Variants in COL4A3 observed in about 807,000 individuals in gnomAD.
The protein encoded by COL4A3 is collagen type IV alpha 3 chain.
A neutral mutation model predicts 217.4 loss-of-function variants in COL4A3; 135 were observed. That is an observed-to-expected ratio of 0.62 (90% CI 0.54 to 0.72). The LOEUF (loss-of-function observed/expected upper bound fraction) is 0.72. COL4A3 is among the 30% of genes least tolerant of loss of function. The probability of loss-of-function intolerance (pLI) is 0.00; values close to 1 mark genes in which losing one functional copy is unlikely to be tolerated. For synonymous variants in COL4A3, 690 were observed against 736.3 expected (o/e 0.94, Z 1.02); for missense variants, 1,868 against 2,119.9 (o/e 0.88, Z 2.33).
intron 26 of COL4A3, among the ~76,000 whole-genome samples, chr2:227,276,178 T>C (rs914738812): frequency 6.6e-6 from 1 of 152,242 alleles, no homozygotes; most frequent in African/African-American, 2.4e-5. Context: ...TTTAGACGAT[T>C]GTCTACACTT....
chr2:227,257,534 C>T, intron 17 of COL4A3, 69 bp from the exon 18 acceptor site: 1 of 1,265,166 alleles, frequency 7.9e-7, no homozygotes, highest in South Asian at 1.2e-5. Context: ...TTTAACTGTA[C>T]ATCTTGCTTT....
chr2:227,225,709 C>CTT (rs71829862), intron 1 of COL4A3, among the ~76,000 whole-genome samples: 22 of 126,224 alleles, frequency 1.7e-4, no homozygotes, highest in African/African-American at 5.4e-4. Flanking sequence ...CTTTTTCTTT[C>CTT]TTTTTTTTTT....
At chr2:227,278,092 G>A (rs2071700718) in intron 28 of COL4A3, among the ~76,000 whole-genome samples, 1 of 150,954 alleles carries the variant, frequency 6.6e-6, no homozygotes, top group Non-Finnish European at 1.5e-5. Context: ...ATACTTCTCA[G>A]TAAATGCCTG....
At chr2:227,238,614 T>A (rs1339347169) in intron 2 of COL4A3, among the ~76,000 whole-genome samples, 1 of 152,182 alleles carries the variant, frequency 6.6e-6, no homozygotes, top group Non-Finnish European at 1.5e-5. Flanking sequence ...GAACTAAAGT[T>A]TTTTTCTTTG....
chr2:227,253,776 G>C lies in COL4A3; in HGVS notation c.765+138G>C. 2 of 808,834 alleles carry C rather than the reference G, an allele frequency of 2.5e-6. No homozygotes were observed. The highest frequency in any genetic ancestry group is 4.4e-6 in the Non-Finnish European group (2 of 458,110). The allele number at this position is 808,834 out of a possible 1,614,324, so 50.1% of individuals were successfully genotyped here. A position where few individuals can be genotyped will look rare whatever the true frequency, so the allele number is the denominator to read the frequency against. ...CTCCCTCAGCCAGCCAGAACCTCCA[G>C]GATTGATTCCTTCCCGTCCTTTACT... On this transcript the variant is annotated intron_variant, in intron 13 of 51. Transcript: ENST00000396578. This position sits in a 1 kb window ranked among gnomAD's most constrained non-coding sequence, Gnocchi z 4.4.
chr2:227,262,893 T>A (rs1490430396), intron 20 of COL4A3, among the ~76,000 whole-genome samples: 1 of 152,158 alleles, frequency 6.6e-6, no homozygotes, highest in Non-Finnish European at 1.5e-5. Flanking sequence ...TGACTATAGT[T>A]AACAACAATG....
At chr2:227,254,989 G>A (rs536706878) in intron 15 of COL4A3, among the ~76,000 whole-genome samples, 1 of 152,202 alleles carries the variant, frequency 6.6e-6, no homozygotes, top group South Asian at 2.1e-4. Context: ...CTCTCCTCTG[G>A]CAGATGATCT....
chr2:227,259,796 G>A lies in COL4A3; in HGVS notation c.1033G>A (p.Glu345Lys), dbSNP rs760561462. Reference protein sequence around the residue: ...IGPPGFRGPTEYYDTYQEKGD... With the variant: ...IGPPGFRGPTKYYDTYQEKGD... ...ATTTGTTTCTTTCTCCTCTAAGACAGAATATTATGACACATACCAGGAAAA... is the reference window on the plus strand; with the variant it reads ...ATTTGTTTCTTTCTCCTCTAAGACAAAATATTATGACACATACCAGGAAAA... Residue 345 changes from glutamate (E) to lysine (K), a missense_variant, in exon 19 of 52, where the codon GAA (glutamate) becomes AAA (lysine). Coordinates refer to ENST00000396578, the MANE Select transcript of COL4A3 (RefSeq NM_000091.5). 1.2e-6 allele frequency: 2 copies of A among 1,609,826 alleles called. No individual in the cohort carries two copies. Among genetic ancestry groups the A allele is most frequent in the African/African-American group, 2.7e-5 (2 of 74,790 alleles).
intron 1 of COL4A3, among the ~76,000 whole-genome samples, chr2:227,165,712 T>C (rs1184031303): frequency 6.6e-6 from 1 of 152,224 alleles, no homozygotes; most frequent in African/African-American, 2.4e-5. Flanking sequence ...ATTGAGATTA[T>C]GATTGGAAAT....
At position 227,245,767 on chromosome 2, in the gene COL4A3, A is replaced by G. The variant is rs572194496; in HGVS notation, c.325-187A>G. On this transcript the variant is annotated intron_variant, in intron 5 of 51. Coordinates refer to ENST00000396578, the MANE Select transcript of COL4A3 (RefSeq NM_000091.5). Reference sequence around the variant, plus strand: ...TCCACATCTCATTTGATAAGTCTTCATATCAGTCAGCCTGTTTAGTTTGTT... The same window carrying G: ...TCCACATCTCATTTGATAAGTCTTCGTATCAGTCAGCCTGTTTAGTTTGTT... 792 of 662,614 alleles carry G rather than the reference A, an allele frequency of 1.2e-3. 2 individuals carry two copies. Among genetic ancestry groups the G allele is most frequent in the Non-Finnish European group, 2.0e-3 (707 of 361,080 alleles). 41.0% of individuals were successfully genotyped at this position (662,614 alleles called of 1,614,324 possible). A position where few individuals can be genotyped will look rare whatever the true frequency, so the allele number is the denominator to read the frequency against.
Position 227,240,130 on chromosome 2 carries a change from T to G in COL4A3, c.145-13T>G, listed in dbSNP as rs2068936477. On this transcript the variant is annotated splice_polypyrimidine_tract_variant and intron_variant, in intron 2 of 51. Coordinates refer to ENST00000396578, the MANE Select transcript of COL4A3 (RefSeq NM_000091.5). ...TGCTCTGTGTGTTTCTCACCTCGTT[T>G]TGGTTTTAACAGGGGGAGAAGGGCT... The G allele has an allele frequency of 6.3e-7, 1 of 1,597,200 alleles. No individual in the cohort carries two copies. Among genetic ancestry groups the G allele is most frequent in the African/African-American group, 1.3e-5 (1 of 74,658 alleles).
At chr2:227,190,503 A>G (rs62277818) in intron 1 of COL4A3, among the ~76,000 whole-genome samples, 19,508 of 152,252 alleles carry the variant, frequency 0.13, 1,568 homozygotes, top group East Asian at 0.3. Flanking sequence ...GAATATATAC[A>G]TATCAGTTTA....
intron 36 of COL4A3, among the ~76,000 whole-genome samples, chr2:227,290,534 C>T (rs1287646420): frequency 1.3e-5 from 2 of 151,894 alleles, no homozygotes; most frequent in African/African-American, 4.8e-5. Flanking sequence ...AAACAGATTT[C>T]CTATTAGACA....
At chr2:227,302,677 C>CAAAAAAGAAAAA (rs2073340486) in intron 43 of COL4A3, among the ~76,000 whole-genome samples, 1 of 79,916 alleles carries the variant, frequency 1.3e-5, no homozygotes, top group Non-Finnish European at 2.2e-5. Context: ...ACTCTTTCTC[C>CAAAAAAGAAAAA]AAAAAAAAAA....
chr2:227,270,034 T>C, intron 24 of COL4A3, 54 bp downstream of exon 24: 1 of 1,463,624 alleles, frequency 6.8e-7, no homozygotes, highest in East Asian at 2.3e-5. Context: ...TTGCACACTC[T>C]AGAAATATGG....
In COL4A3 at chr2:227,297,709, G is replaced by C; in HGVS notation, c.3601G>C (p.Gly1201Arg). Residue 1201 changes from glycine to arginine, a missense_variant, in exon 42 of 52, where the codon GGC becomes CGC. By Grantham distance (125) the Gly-to-Arg change is moderately radical. Around this residue, in one of 2 missense-constraint regions of COL4A3, gnomAD observed 1,503 missense variants for 1,786.1 expected, o/e 0.84. Coordinates refer to ENST00000396578, the MANE Select transcript of COL4A3 (RefSeq NM_000091.5). ...AGACAGGGGAGCCCCAGGTTTTCCT[G>C]GCCTCCCGGGCAGAAAAGGGGCCAT... ...KGDRGAPGFP[G>R]LPGRKGAMGD... The C allele has an allele frequency of 6.2e-7, 1 of 1,608,742 alleles. No individual in the cohort carries two copies. Among genetic ancestry groups the C allele is most frequent in the Non-Finnish European group, 8.5e-7 (1 of 1,178,206 alleles).
At chr2:227,236,849 T>G (rs2068732071) in intron 1 of COL4A3, among the ~76,000 whole-genome samples, 1 of 152,002 alleles carries the variant, frequency 6.6e-6, no homozygotes, top group Non-Finnish European at 1.5e-5. Context: ...TTAGTTGAGA[T>G]GGGGTTTCAT....
chr2:227,294,827 C>T, intron 39 of COL4A3, 137 bp from the exon 40 acceptor site: 1 of 769,254 alleles, frequency 1.3e-6, no homozygotes, highest in Non-Finnish European at 2.3e-6. Flanking sequence ...CTTCACATAG[C>T]TACAGTTCTG....
rs200310442 is a variant in COL4A3, at chr2:227,288,095, CTATT to C, written c.2882-1041_2882-1038del. 6.5e-3 allele frequency among the ~76,000 whole-genome samples: 991 copies of C among 152,122 alleles called. 13 individuals carry two copies. Among genetic ancestry groups the C allele is most frequent in the African/African-American group, 0.022 (934 of 41,540 alleles). On this transcript the variant is annotated intron_variant, in intron 34 of 51. Transcript: ENST00000396578. ...TCTGTAAGTAATAGAGATTCAGTGA[CTATT>C]TATTTATTTATTTTGAGACGGAGTC...
Sources: gnomAD v4.1 joint callset for allele counts (sites outside exome capture counted in the v4.1 genomes callset) on GRCh38, gnomAD v4.1.1 for gene constraint, gnomAD v4.1.1 regional missense constraint, Gnocchi (gnomAD v3.1) non-coding constraint, MANE v1.5 for transcripts, NCBI Gene and HGNC (gene_info 2026-07-23, HGNC 2026-07-21) for gene names.